Variants in EPHB3 observed in about 807,000 individuals in gnomAD.
The protein encoded by EPHB3 is EPH receptor B3.
A neutral mutation model predicts 100.2 loss-of-function variants in EPHB3; 33 were observed. The ratio of observed to expected loss-of-function variants is 0.33; its 90% CI spans 0.25 to 0.44. The LOEUF (loss-of-function observed/expected upper bound fraction) is 0.44, where lower values mean the gene tolerates loss of function less well. EPHB3 is among the 20% of genes least tolerant of loss of function. The probability of loss-of-function intolerance (pLI) is 1.00; values close to 1 mark genes in which losing one functional copy is unlikely to be tolerated. For synonymous variants in EPHB3, 526 were observed against 554.7 expected (o/e 0.95, Z 0.73); for missense variants, 1,045 against 1,378.3 (o/e 0.76, Z 3.83).
Position 184,578,342 on chromosome 3 carries a change from C to A in EPHB3, c.1749-72C>A, listed in dbSNP as rs1413342650. 6.2e-7 allele frequency: 1 copy of A among 1,606,096 alleles called. No homozygotes were observed. The highest frequency in any genetic ancestry group is 2.2e-5 in the East Asian group (1 of 44,812). On this transcript the variant is annotated intron_variant, in intron 8 of 15. Coordinates refer to ENST00000330394, the MANE Select transcript of EPHB3 (RefSeq NM_004443.4). This position sits in a 1 kb window ranked among gnomAD's most constrained non-coding sequence, Gnocchi z 4.7. ...GTATCCTCTCCGCCCCTTCTGTGAG[C>A]CCAAGGGTGCCCTGAACAAAGGGAG...
rs1456111447 is a variant in EPHB3, at chr3:184,573,488, A to C, written c.856+312A>C. 6.6e-6 allele frequency among the ~76,000 whole-genome samples: 1 copy of C among 152,238 alleles called. No individual in the cohort carries two copies. Among genetic ancestry groups the C allele is most frequent in the African/African-American group, 2.4e-5 (1 of 41,468 alleles). On this transcript the variant is annotated intron_variant, in intron 3 of 15. Coordinates refer to ENST00000330394, the MANE Select transcript of EPHB3 (RefSeq NM_004443.4). This position sits in a 1 kb window ranked among gnomAD's most constrained non-coding sequence, Gnocchi z 4.5. The stretch of plus-strand genomic sequence containing the variant: ...GCAGTCAGAAGCTTAGGAGGCTGGC[A>C]GAGATGCTCGCTTTGTCCCGGCCTG...
Position 184,580,530 on chromosome 3 carries a change from C to T in EPHB3, c.2301C>T (p.Asn767=), listed in dbSNP as rs751254135. ...RDLAARNILV[N]SNLVCKVSDF... ...TGGCTGCTCGCAACATCCTTGTCAACAGCAACCTGGTCTGCAAAGTCTCAG... is the reference window on the plus strand; with the variant it reads ...TGGCTGCTCGCAACATCCTTGTCAATAGCAACCTGGTCTGCAAAGTCTCAG... The change falls in exon 12 of 16, where the codon AAC becomes AAT. Residue 767 remains asparagine (N), a synonymous_variant. Coordinates refer to ENST00000330394, the MANE Select transcript of EPHB3 (RefSeq NM_004443.4). The T allele has an allele frequency of 1.9e-6, 3 of 1,614,102 alleles. No individual in the cohort carries two copies. The highest frequency in any genetic ancestry group is 1.3e-5 in the African/African-American group (1 of 74,938).
In EPHB3 at chr3:184,572,821, G is replaced by A. The variant is rs750195973; in HGVS notation, c.501G>A (p.Ser167=). 10 of 1,572,858 alleles carry A rather than the reference G, an allele frequency of 6.4e-6. No homozygotes were observed. In the East Asian group the frequency reaches 1.4e-4, roughly 21 times the overall value. Residue 167 remains serine, a synonymous_variant, in exon 3 of 16, where the codon TCG becomes TCA. Transcript: ENST00000330394. This position sits in a 1 kb window ranked among gnomAD's most constrained non-coding sequence, Gnocchi z 6.6. ...CCATTGCACCCGATGAGAGCTTCTCGCGGCTGGATGCCGGCCGTGTCAACA... is the reference window on the plus strand; with the variant it reads ...CCATTGCACCCGATGAGAGCTTCTCACGGCTGGATGCCGGCCGTGTCAACA... ...VDTIAPDESF[S]RLDAGRVNTK... is the part of the protein sequence containing the mutation.
In EPHB3 at chr3:184,581,748, G is replaced by C; in HGVS notation, c.*126G>C. The stretch of plus-strand genomic sequence containing the variant: ...GCCCAGAAGCTGGAAGTTTGGGAAA[G>C]GCCCAAGCTGGGACTTCTCCAGGCC... On this transcript the variant is annotated 3_prime_UTR_variant, in exon 16 of 16. Coordinates refer to ENST00000330394, the MANE Select transcript of EPHB3 (RefSeq NM_004443.4). The C allele has an allele frequency of 1.0e-6, 1 of 969,714 alleles. No individual in the cohort carries two copies. Among genetic ancestry groups the C allele is most frequent in the Non-Finnish European group, 1.5e-6 (1 of 669,716 alleles). 60.1% of individuals were successfully genotyped at this position (969,714 alleles called of 1,614,324 possible).
At position 184,572,380 on chromosome 3, in the gene EPHB3, G is replaced by C; in HGVS notation, c.184-124G>C. On this transcript the variant is annotated intron_variant, in intron 2 of 15. Transcript: ENST00000330394. This position sits in a 1 kb window ranked among gnomAD's most constrained non-coding sequence, Gnocchi z 6.6. ...GCTGGAATTTGAGCCCATATAGCCTGTATGCTCAGCCACTGCACACCATAG... is the reference window on the plus strand; with the variant it reads ...GCTGGAATTTGAGCCCATATAGCCTCTATGCTCAGCCACTGCACACCATAG... 8.9e-7 allele frequency: 1 copy of C among 1,129,920 alleles called. No individual in the cohort carries two copies. The highest frequency in any genetic ancestry group is 1.2e-6 in the Non-Finnish European group (1 of 852,148). 70.0% of individuals were successfully genotyped at this position (1,129,920 alleles called of 1,614,324 possible). A position where few individuals can be genotyped will look rare whatever the true frequency, so the allele number is the denominator to read the frequency against.
chr3:184,577,347 G>A lies in EPHB3; in HGVS notation c.1359G>A (p.Pro453=), dbSNP rs117198358. ...AVNITTNQAA[P]SEVPTLRLHS... ...TGAGCCCTCTGCTCTTCCCAGCCCC[G>A]TCTGAAGTGCCCACACTACGCCTGC... Residue 453 remains proline, a synonymous_variant, in exon 6 of 16, where the codon CCG becomes CCA. Transcript: ENST00000330394. The surrounding 1 kb of genome is among the most constrained non-coding windows in gnomAD (Gnocchi z 4.9). The A allele has an allele frequency of 5.1e-5, 82 of 1,613,490 alleles. No homozygotes were observed. The highest frequency in any genetic ancestry group is 3.6e-4 in the East Asian group (16 of 44,858).
rs1714292510 is a variant in EPHB3, at chr3:184,562,844, C to A, written c.118+491C>A. Among the ~76,000 whole-genome samples the A allele has an allele frequency of 6.6e-6, 1 of 152,182 alleles. No individual in the cohort carries two copies. Among genetic ancestry groups the A allele is most frequent in the Non-Finnish European group, 1.5e-5 (1 of 68,030 alleles). ...CGAGCACCCCGATTTGTCAGGGGACCGCTGCGGGGGCGGACAGGCGGGGGC... is the reference window on the plus strand; with the variant it reads ...CGAGCACCCCGATTTGTCAGGGGACAGCTGCGGGGGCGGACAGGCGGGGGC... On this transcript the variant is annotated intron_variant, in intron 1 of 15. Transcript: ENST00000330394. This position sits in a 1 kb window ranked among gnomAD's most constrained non-coding sequence, Gnocchi z 4.8.
At chr3:184,567,716 CTTT>C (rs1714422023) in intron 1 of EPHB3, among the ~76,000 whole-genome samples, 1 of 152,192 alleles carries the variant, frequency 6.6e-6, no homozygotes, top group Non-Finnish European at 1.5e-5. Flanking sequence ...TGTGTTTGCA[CTTT>C]ACACCGAAGA....
chr3:184,581,394 C>G lies in EPHB3; in HGVS notation c.2874C>G (p.Ala958=). 1 of 1,589,208 alleles carries G rather than the reference C, an allele frequency of 6.3e-7. No individual in the cohort carries two copies. The highest frequency in any genetic ancestry group is 8.6e-7 in the Non-Finnish European group (1 of 1,166,698). Reference sequence around the variant, plus strand: ...GGTTTGCATCTTTTGACCTGGTGGCCCAGATGACGGCAGAGTAAGTGTGCC... The same window carrying G: ...GGTTTGCATCTTTTGACCTGGTGGCGCAGATGACGGCAGAGTAAGTGTGCC... The part of the protein sequence containing the change: ...SAGFASFDLV[A]QMTAEDLLRI... Residue 958 remains alanine, a synonymous_variant, in exon 15 of 16, where the codon GCC becomes GCG. Transcript: ENST00000330394.
In EPHB3 at chr3:184,567,482, T is replaced by G. The variant is rs376100247; in HGVS notation, c.119-3836T>G. Among the ~76,000 whole-genome samples the G allele has an allele frequency of 4.5e-3, 370 of 81,338 alleles. 1 individual carries two copies. The highest frequency in any genetic ancestry group is 0.014 in the African/African-American group (356 of 25,168). 53.4% of individuals were successfully genotyped at this position (81,338 alleles called of 152,430 possible). A position where few individuals can be genotyped will look rare whatever the true frequency, so the allele number is the denominator to read the frequency against. ...CATAAACAGAACCATGCTTGCAGGG[T>G]GTGTGTGTGTGTGTGTGTGTGTGTG... On this transcript the variant is annotated intron_variant, in intron 1 of 15. Coordinates refer to ENST00000330394, the MANE Select transcript of EPHB3 (RefSeq NM_004443.4).
intron 1 of EPHB3, among the ~76,000 whole-genome samples, chr3:184,568,929 G>A (rs538484624): frequency 6.9e-4 from 99 of 144,084 alleles, no homozygotes; most frequent in African/African-American, 2.4e-3. Flanking sequence ...CAGAAATGAA[G>A]AGCCTCCCTG....
At position 184,579,994 on chromosome 3, in the gene EPHB3, C is replaced by G; in HGVS notation, c.2172+60C>G. ...AGAGAGTTGGATTGGGCTCACCATC[C>G]CCTCCCACAAGTCAGACAGCCCCTA... On this transcript the variant is annotated intron_variant, in intron 11 of 15. Coordinates refer to ENST00000330394, the MANE Select transcript of EPHB3 (RefSeq NM_004443.4). This position sits in a 1 kb window ranked among gnomAD's most constrained non-coding sequence, Gnocchi z 5.2. 6.4e-7 allele frequency: 1 copy of G among 1,570,016 alleles called. No homozygotes were observed.
At chr3:184,580,665 A>T (rs758526760) in intron 12 of EPHB3, 48 bp downstream of exon 12, 1 of 1,609,310 alleles carries the variant, frequency 6.2e-7, no homozygotes, top group Admixed American at 1.7e-5. Flanking sequence ...CCTATCAGCC[A>T]GGGGCTCGGG....
Position 184,571,488 on chromosome 3 carries a change from T to G in EPHB3, c.183+106T>G. On this transcript the variant is annotated intron_variant, in intron 2 of 15. Transcript: ENST00000330394. This position sits in a 1 kb window ranked among gnomAD's most constrained non-coding sequence, Gnocchi z 5.0. ...CACCAGGGCCTGGAGGAGGGCTGCC[T>G]CTGCCCTCTGCCTGTCACCCTCACT... The G allele has an allele frequency of 1.8e-6, 2 of 1,134,930 alleles. No individual in the cohort carries two copies. The highest frequency in any genetic ancestry group is 2.6e-6 in the Non-Finnish European group (2 of 764,164). The allele number at this position is 1,134,930 out of a possible 1,614,324, so 70.3% of individuals were successfully genotyped here.
chr3:184,564,749 G>T (rs1714342000), intron 1 of EPHB3, among the ~76,000 whole-genome samples: 1 of 152,098 alleles, frequency 6.6e-6, no homozygotes, highest in Admixed American at 6.5e-5. Flanking sequence ...CTGGCCCAGT[G>T]GGCAGCTGTT....
At position 184,565,617 on chromosome 3, in the gene EPHB3, G is replaced by A. The variant is rs1714364766; in HGVS notation, c.118+3264G>A. The stretch of plus-strand genomic sequence containing the variant: ...GCATAGAGCCCACCTCCTTCACAGG[G>A]GCAGCAGGAGTGACCCCTGAGAACA... On this transcript the variant is annotated intron_variant, in intron 1 of 15. Transcript: ENST00000330394. The surrounding 1 kb of genome is among the most constrained non-coding windows in gnomAD (Gnocchi z 4.8). 6.6e-6 allele frequency among the ~76,000 whole-genome samples: 1 copy of A among 152,152 alleles called. No homozygotes were observed. The highest frequency in any genetic ancestry group is 1.5e-5 in the Non-Finnish European group (1 of 68,018).
At chr3:184,567,181 C>T (rs1286383094) in intron 1 of EPHB3, among the ~76,000 whole-genome samples, 5 of 152,164 alleles carry the variant, frequency 3.3e-5, no homozygotes, top group South Asian at 2.1e-4. Flanking sequence ...CTGGGGAGGC[C>T]GCACCCAGCC....
In EPHB3 at chr3:184,575,942, C is replaced by A. The variant is rs1266194550; in HGVS notation, c.969C>A (p.Asn323Lys). The A allele has an allele frequency of 6.2e-7, 1 of 1,613,966 alleles. No homozygotes were observed. Among genetic ancestry groups the A allele is most frequent in the African/African-American group, 1.3e-5 (1 of 75,062 alleles). Residue 323 changes from asparagine to lysine, a missense_variant, in exon 4 of 16, where the codon AAC (asparagine) becomes AAA (lysine). This residue lies in a region of EPHB3 where 985 missense variants were observed against 1,331.1 expected (regional missense o/e 0.74). Transcript: ENST00000330394. ...PAASICTCHN[N>K]FYRADSDSAD... is the part of the protein sequence containing the mutation. Reference sequence around the variant, plus strand: ...CCAGCATCTGCACCTGCCACAATAACTTCTACCGTGCAGACTCGGACTCTG... The same window carrying A: ...CCAGCATCTGCACCTGCCACAATAAATTCTACCGTGCAGACTCGGACTCTG...
rs1281182040 is a variant in EPHB3, at chr3:184,572,499, C to A, written c.184-5C>A. 1.9e-6 allele frequency: 3 copies of A among 1,559,450 alleles called. No individual in the cohort carries two copies. The highest frequency in any genetic ancestry group is 1.4e-5 in the African/African-American group (1 of 73,004). On this transcript the variant is annotated splice_region_variant and splice_polypyrimidine_tract_variant and intron_variant, in intron 2 of 15. Coordinates refer to ENST00000330394, the MANE Select transcript of EPHB3 (RefSeq NM_004443.4). The surrounding 1 kb of genome is among the most constrained non-coding windows in gnomAD (Gnocchi z 6.6). Reference sequence around the variant, plus strand: ...ACTCTGTCTTTTTCATTGGTCCATGCACAGTGGGAAGAGGTGAGTGGCTAC... The same window carrying A: ...ACTCTGTCTTTTTCATTGGTCCATGAACAGTGGGAAGAGGTGAGTGGCTAC...
Sources: gnomAD v4.1 joint callset for allele counts (sites outside exome capture counted in the v4.1 genomes callset) on GRCh38, gnomAD v4.1.1 for gene constraint, gnomAD v4.1.1 regional missense constraint, Gnocchi (gnomAD v3.1) non-coding constraint, MANE v1.5 for transcripts, NCBI Gene and HGNC (gene_info 2026-07-23, HGNC 2026-07-21) for gene names.